Variants in CR1 observed in about 807,000 individuals in gnomAD.
CR1 encodes complement C3b/C4b receptor 1 (Knops blood group).
Under a neutral mutation model 187.3 loss-of-function variants are expected in CR1, and 116 were observed. That is an observed-to-expected ratio of 0.62 (90% CI 0.53 to 0.72). The LOEUF is 0.72. Ranked by LOEUF, CR1 falls within the 30% of genes least tolerant of loss-of-function variation. The probability of loss-of-function intolerance (pLI) is 0.00; values close to 1 mark genes in which losing one functional copy is unlikely to be tolerated. For synonymous variants in CR1, 576 were observed against 747.1 expected, an observed-to-expected ratio of 0.77 and a Z score of 3.73; for missense variants, 1,731 against 2,110.7, an observed-to-expected ratio of 0.82 and a Z score of 3.52.
intron 40 of CR1, 101 bp downstream of exon 40, chr1:207,614,590 C>A: frequency 6.0e-6 from 5 of 832,210 alleles, no homozygotes; most frequent in South Asian, 3.1e-5. Flanking sequence ...CTTTACTTAA[C>A]TAAATTATGG....
In CR1 at chr1:207,587,538, TG is replaced by T; in HGVS notation, c.5685del (p.Trp1895CysfsTer26). The T allele has an allele frequency of 1.9e-6, 3 of 1,613,924 alleles. No homozygotes were observed. The highest frequency in any genetic ancestry group is 2.5e-6 in the Non-Finnish European group (3 of 1,179,796). ...FSISCLENLV[W>X]SSVEDNCRRK... ...TATCTCCTGCCTAGAAAACTTGGTC[TG>T]GTCAAGTGTTGAAGACAACTGTAGA... On this transcript the variant is annotated frameshift_variant, in exon 34 of 47. Coordinates refer to ENST00000367049, the MANE Select transcript of CR1 (RefSeq NM_000651.6). LOFTEE classifies it high-confidence loss of function.
chr1:207,611,939 T>G lies in CR1; in HGVS notation c.6473T>G (p.Val2158Gly). The change falls in exon 39 of 47, where the codon GTG (valine) becomes GGG (glycine). Residue 2158 changes from valine (V) to glycine (G), a missense_variant and splice_region_variant. By Grantham distance (109) the Val-to-Gly change is moderately radical (BLOSUM62 -3). Coordinates refer to ENST00000367049, the MANE Select transcript of CR1 (RefSeq NM_000651.6). ...CCTGTTGTTTTATTTTTTCTTCTAG[T>G]GAAATCCTGTGATGACTTCCTGGGC... ...DWSPEAPRCTVKSCDDFLGQL... is the reference protein window; with the variant it reads ...DWSPEAPRCTGKSCDDFLGQL... 6.2e-7 allele frequency: 1 copy of G among 1,614,038 alleles called. No individual in the cohort carries two copies. The highest frequency in any genetic ancestry group is 8.5e-7 in the Non-Finnish European group (1 of 1,179,892).
At chr1:207,622,250 G>T (rs1321328865) in intron 44 of CR1, among the ~76,000 whole-genome samples, 2 of 152,150 alleles carry the variant, frequency 1.3e-5, no homozygotes, top group Non-Finnish European at 1.5e-5. Context: ...CATTACAAAT[G>T]AATAATCATT....
intron 46 of CR1, among the ~76,000 whole-genome samples, chr1:207,635,606 C>G (rs1662788111): frequency 6.6e-6 from 1 of 152,108 alleles, no homozygotes; most frequent in African/African-American, 2.4e-5. Flanking sequence ...CTTGTCTCAA[C>G]AGCAACGAGG....
At chr1:207,600,779 A>G (rs1661580697) in intron 35 of CR1, 1 of 152,166 alleles carries the variant, frequency 6.6e-6, no homozygotes, top group Non-Finnish European at 1.5e-5. Context: ...ACTGAGACAG[A>G]CAGGTTAACT....
At chr1:207,623,825 G>A (rs536029099) in intron 45 of CR1, among the ~76,000 whole-genome samples, 1 of 151,378 alleles carries the variant, frequency 6.6e-6, no homozygotes, top group African/African-American at 2.4e-5. Context: ...ATATCATATG[G>A]CACACATAGG....
chr1:207,584,908 G>A (rs546085688), intron 33 of CR1, 32 bp downstream of exon 33: 4 of 1,611,846 alleles, frequency 2.5e-6, no homozygotes, highest in Non-Finnish European at 3.4e-6. Context: ...TCCTAAATGG[G>A]TTCAGAATAT....
intron 13 of CR1, among the ~76,000 whole-genome samples, chr1:207,544,669 T>G (rs1463462069): frequency 7.0e-6 from 1 of 143,382 alleles, no homozygotes. Flanking sequence ...ACAGTAGGTC[T>G]TTCAGATTTT....
In CR1 at chr1:207,506,731, C is replaced by T. The variant is rs1659446263; in HGVS notation, c.319C>T (p.Pro107Ser). The change falls in exon 3 of 47, where the codon CCT (proline) becomes TCT (serine). Residue 107 changes from proline (P) to serine (S), a missense_variant. Physicochemically the swap from Pro to Ser is moderately conservative, Grantham distance 74. This residue lies in a region of CR1 where 237 missense variants were observed against 240.4 expected (regional missense o/e 0.99). Coordinates refer to ENST00000367049, the MANE Select transcript of CR1 (RefSeq NM_000651.6). ...DRCRRKSCRN[P>S]PDPVNGMVHV... Reference sequence around the variant, plus strand: ...TCCTGTAGGTAAATCATGTCGTAATCCTCCAGATCCTGTGAATGGCATGGT... The same window carrying T: ...TCCTGTAGGTAAATCATGTCGTAATTCTCCAGATCCTGTGAATGGCATGGT... 4 of 1,613,522 alleles carry T rather than the reference C, an allele frequency of 2.5e-6. No individual in the cohort carries two copies. Among genetic ancestry groups the T allele is most frequent in the Non-Finnish European group, 3.4e-6 (4 of 1,179,624 alleles).
intron 5 of CR1, among the ~76,000 whole-genome samples, chr1:207,524,274 G>A (rs1660096943): frequency 6.6e-6 from 1 of 152,068 alleles, no homozygotes; most frequent in Non-Finnish European, 1.5e-5. Flanking sequence ...GTATAATAAT[G>A]GTTGATACAA....
chr1:207,615,639 A>T (rs932412684), intron 40 of CR1, among the ~76,000 whole-genome samples: 1 of 152,224 alleles, frequency 6.6e-6, no homozygotes, highest in Non-Finnish European at 1.5e-5. Flanking sequence ...GATTATTAGA[A>T]AATGTTTATT....
In CR1 at chr1:207,506,725, C is replaced by A; in HGVS notation, c.313C>A (p.Arg105Ser). 1 of 1,613,340 alleles carries A rather than the reference C, an allele frequency of 6.2e-7. No individual in the cohort carries two copies. Among genetic ancestry groups the A allele is most frequent in the Non-Finnish European group, 8.5e-7 (1 of 1,179,488 alleles). ...TTTCTTTCCTGTAGGTAAATCATGT[C>A]GTAATCCTCCAGATCCTGTGAATGG... ...AKDRCRRKSC[R>S]NPPDPVNGMV... Residue 105 changes from arginine (R) to serine (S), a missense_variant, in exon 3 of 47, where the codon CGT becomes AGT. Physicochemically the swap from Arg to Ser is moderately radical, Grantham distance 110 (BLOSUM62 -1). Coordinates refer to ENST00000367049, the MANE Select transcript of CR1 (RefSeq NM_000651.6).
chr1:207,636,107 T>A (rs892140584), intron 46 of CR1, among the ~76,000 whole-genome samples: 38 of 152,080 alleles, frequency 2.5e-4, no homozygotes, highest in African/African-American at 8.0e-4. Flanking sequence ...GCCATCATCA[T>A]CATGGCTGTT....
intron 35 of CR1, among the ~76,000 whole-genome samples, chr1:207,602,811 T>G (rs1369393767): frequency 6.6e-6 from 1 of 152,044 alleles, no homozygotes; most frequent in Admixed American, 6.6e-5. Flanking sequence ...TAGTGAGATA[T>G]CGAGTAAAAA....
At chr1:207,613,124 C>T (rs1257992171) in intron 39 of CR1, among the ~76,000 whole-genome samples, 1 of 152,028 alleles carries the variant, frequency 6.6e-6, no homozygotes. Context: ...GTTGTTGTCC[C>T]GCATCCAAGA....
chr1:207,512,800 A>G (rs1262847779), intron 4 of CR1, among the ~76,000 whole-genome samples: 2 of 152,246 alleles, frequency 1.3e-5, no homozygotes, highest in Non-Finnish European at 2.9e-5. Flanking sequence ...AAAGATTAGT[A>G]AAATAGAGAA....
chr1:207,581,884 G>A (rs747306086), intron 31 of CR1, 34 bp from the exon 32 acceptor site: 1 of 1,412,940 alleles, frequency 7.1e-7, no homozygotes. Flanking sequence ...GAGAAATGGT[G>A]CATTCATCCA....
At chr1:207,497,720 C>T (rs1659132644) in intron 1 of CR1, among the ~76,000 whole-genome samples, 1 of 152,136 alleles carries the variant, frequency 6.6e-6, no homozygotes, top group Non-Finnish European at 1.5e-5. Flanking sequence ...TGGCCCTCTT[C>T]TTACTAGAAT....
rs1660455184 is a variant in CR1 at position 207,565,175 on chromosome 1, T to A, written c.3867-663T>A. Among the ~76,000 whole-genome samples the A allele has an allele frequency of 2.0e-5, 3 of 150,106 alleles. No individual in the cohort carries two copies. In the South Asian group the frequency reaches 6.2e-4, roughly 31 times the overall value. On this transcript the variant is annotated intron_variant, in intron 23 of 46. Transcript: ENST00000367049. ...GGCAACAAAGCACCTGATCCCATAA[T>A]GTAACACAGAATCTTGGCAGCCTCC...
Sources: allele counts gnomAD v4.1 joint callset (sites outside exome capture counted in the v4.1 genomes callset), GRCh38; gene constraint gnomAD v4.1.1; regional missense constraint gnomAD v4.1.1; transcripts MANE v1.5; gene names NCBI Gene and HGNC (gene_info 2026-07-23, HGNC 2026-07-21).